Variants in ARHGAP19 observed in about 807,000 individuals in gnomAD.
ARHGAP19 encodes Rho GTPase activating protein 19.
ARHGAP19 carries 48 observed loss-of-function variants against 60.9 expected under a neutral mutation model. That is an observed-to-expected ratio of 0.79 (90% CI 0.62 to 1.00). The LOEUF (loss-of-function observed/expected upper bound fraction) is 1.00, where lower values mean the gene tolerates loss of function less well. Among genes scored for constraint, ARHGAP19 ranks in the 50% least tolerant of loss-of-function variants. ARHGAP19 has a pLI of 0.00. For missense variants in ARHGAP19, 562 were observed against 597.2 expected, an observed-to-expected ratio of 0.94 and a Z score of 0.61; for synonymous variants, 209 against 215.5, an observed-to-expected ratio of 0.97 and a Z score of 0.27.
chr10:97,257,822 T>G (rs1842776481), intron 5 of ARHGAP19, among the ~76,000 whole-genome samples: 1 of 152,116 alleles, frequency 6.6e-6, no homozygotes, highest in African/African-American at 2.4e-5. Context: ...TCCTTTACCT[T>G]CCTTTTCTCA....
At chr10:97,227,592 T>C (rs1053087321) in intron 11 of ARHGAP19, among the ~76,000 whole-genome samples, 1 of 152,182 alleles carries the variant, frequency 6.6e-6, no homozygotes, top group African/African-American at 2.4e-5. Context: ...CAGGAAGGCA[T>C]TTCCAGATAG....
intron 8 of ARHGAP19, among the ~76,000 whole-genome samples, chr10:97,239,837 A>G (rs561474079): frequency 6.6e-6 from 1 of 151,414 alleles, no homozygotes; most frequent in South Asian, 2.1e-4. Context: ...CCTCCCGAGT[A>G]GCTGGGATTA....
intron 8 of ARHGAP19, among the ~76,000 whole-genome samples, chr10:97,236,814 A>G (rs2134822512): frequency 6.6e-6 from 1 of 151,388 alleles, no homozygotes; most frequent in African/African-American, 2.4e-5. Context: ...AAAAAAAAAA[A>G]AAAAAAAAAA....
Position 97,250,564 on chromosome 10 carries a change from G to A in ARHGAP19, c.928-4227C>T, listed in dbSNP as rs1842629718. 2.6e-5 allele frequency among the ~76,000 whole-genome samples: 4 copies of A among 151,466 alleles called. 1 individual carries two copies. In the South Asian group the frequency reaches 8.4e-4, roughly 32 times the overall value. On this transcript the variant is annotated intron_variant, in intron 6 of 11. Transcript: ENST00000358531. ...ACGCCCGGCTAATTTTTGTAGTAGAGATGGGGTTTCACCGTGTTGACTAGG... is the reference window on the plus strand; with the variant it reads ...ACGCCCGGCTAATTTTTGTAGTAGAAATGGGGTTTCACCGTGTTGACTAGG...
chr10:97,290,684 TC>T (rs1242784751), intron 1 of ARHGAP19, among the ~76,000 whole-genome samples: 1 of 152,146 alleles, frequency 6.6e-6, no homozygotes, highest in Non-Finnish European at 1.5e-5. Context: ...GTTTGTCTCT[TC>T]CAGAATTGAA....
Position 97,253,002 on chromosome 10 carries a change from A to T in ARHGAP19, c.927+3316T>A, listed in dbSNP as rs540779921. Among the ~76,000 whole-genome samples the T allele has an allele frequency of 9.2e-5, 14 of 152,276 alleles. No individual in the cohort carries two copies. The South Asian group carries it at 2.9e-3, about 32-fold the overall frequency. ...AAAGAATGAAATCCTGTCAAATTGC[A>T]GCAACATGGATGGAACCGGAGGCTA... On this transcript the variant is annotated intron_variant, in intron 6 of 11. Coordinates refer to ENST00000358531, the MANE Select transcript of ARHGAP19 (RefSeq NM_032900.6).
intron 6 of ARHGAP19, among the ~76,000 whole-genome samples, chr10:97,253,656 C>A (rs1187280980): frequency 6.6e-6 from 1 of 152,132 alleles, no homozygotes; most frequent in Non-Finnish European, 1.5e-5. Context: ...ATGTCCCCAA[C>A]ACATAGAAAT....
In ARHGAP19 at chr10:97,250,768, T is replaced by A. The variant is rs575252736; in HGVS notation, c.928-4431A>T. Among the ~76,000 whole-genome samples, 10 of 150,084 alleles carry A rather than the reference T, an allele frequency of 6.7e-5. No individual in the cohort carries two copies. The South Asian group carries it at 2.2e-3, about 33-fold the overall frequency. On this transcript the variant is annotated intron_variant, in intron 6 of 11. Transcript: ENST00000358531. ...AAGAATATATCTATTCTATTTCATTTAAAAAAAAGAAAGAAGGCCAAGAGC... is the reference window on the plus strand; with the variant it reads ...AAGAATATATCTATTCTATTTCATTAAAAAAAAAGAAAGAAGGCCAAGAGC...
In ARHGAP19 at chr10:97,229,823, T is replaced by A. The variant is rs926177655; in HGVS notation, c.1336A>T (p.Thr446Ser). Residue 446 changes from threonine to serine, a missense_variant, in exon 10 of 12, where the codon ACT becomes TCT. Physicochemically the swap from Thr to Ser is moderately conservative, Grantham distance 58. Coordinates refer to ENST00000358531, the MANE Select transcript of ARHGAP19 (RefSeq NM_032900.6). ...TCACCAATGGCCACAGATTCTGGAG[T>A]AGGGTTCTTCTTTTTCTTTTCTGAC... ...MMSEKKKKNPTPESVAIGELK... is the reference protein window; with the variant it reads ...MMSEKKKKNPSPESVAIGELK... 5.0e-6 allele frequency: 8 copies of A among 1,613,210 alleles called. No homozygotes were observed. Among genetic ancestry groups the A allele is most frequent in the Non-Finnish European group, 6.8e-6 (8 of 1,179,694 alleles).
At chr10:97,289,962 A>T (rs774167736) in intron 1 of ARHGAP19, among the ~76,000 whole-genome samples, 9 of 152,326 alleles carry the variant, frequency 5.9e-5, no homozygotes, top group Non-Finnish European at 1.3e-4. Flanking sequence ...GATTTTCACC[A>T]AAATTTAGAA....
chr10:97,245,595 CAAAAAA>C (rs397845381), intron 7 of ARHGAP19, among the ~76,000 whole-genome samples: 1 of 112,370 alleles, frequency 8.9e-6, no homozygotes. Context: ...AACCCTATCT[CAAAAAA>C]AAAAAAAAAA....
Position 97,244,132 on chromosome 10 carries a change from G to A in ARHGAP19, c.1021C>T (p.His341Tyr). Reference sequence around the variant, plus strand: ...TTTGCCAGCTGAAAGGACTTAGTATGACATGAAGCTATGAGGTCAAGGTCA... The same window carrying A: ...TTTGCCAGCTGAAAGGACTTAGTATAACATGAAGCTATGAGGTCAAGGTCA... ...KDDLDLIASC[H>Y]TKSFQLAKSQ... The change falls in exon 8 of 12, where the codon CAT becomes TAT. Residue 341 changes from histidine (H) to tyrosine (Y), a missense_variant. Coordinates refer to ENST00000358531, the MANE Select transcript of ARHGAP19 (RefSeq NM_032900.6). The A allele has an allele frequency of 1.2e-6, 2 of 1,612,806 alleles. No homozygotes were observed. Among genetic ancestry groups the A allele is most frequent in the Non-Finnish European group, 1.7e-6 (2 of 1,179,594 alleles).
At chr10:97,240,616 A>G (rs1589449181) in intron 8 of ARHGAP19, among the ~76,000 whole-genome samples, 1 of 152,228 alleles carries the variant, frequency 6.6e-6, no homozygotes, top group East Asian at 1.9e-4. Flanking sequence ...ACGCCACTGC[A>G]CTCCAGCCTA....
At chr10:97,268,746 T>C (rs1233469076) in intron 1 of ARHGAP19, among the ~76,000 whole-genome samples, 1 of 152,168 alleles carries the variant, frequency 6.6e-6, no homozygotes, top group Non-Finnish European at 1.5e-5. Context: ...TACCTCCCAC[T>C]GGGCTCCTCC....
rs374327335 is a variant in ARHGAP19 at position 97,224,417 on chromosome 10, C to T, written c.*1705G>A. ...TTTTTACAAATGACATAAAACTGCT[C>T]TAGAGAAAGGGGCTTCTAAGCAGTT... On this transcript the variant is annotated 3_prime_UTR_variant, in exon 12 of 12. Coordinates refer to ENST00000358531, the MANE Select transcript of ARHGAP19 (RefSeq NM_032900.6). 21 of 152,312 alleles carry T rather than the reference C, an allele frequency of 1.4e-4. No individual in the cohort carries two copies. The highest frequency in any genetic ancestry group is 5.1e-4 in the African/African-American group (21 of 41,568). The allele number at this position is 152,312 out of a possible 1,614,324, so 9.4% of individuals were successfully genotyped here. A position where few individuals can be genotyped will look rare whatever the true frequency, so the allele number is the denominator to read the frequency against.
intron 5 of ARHGAP19, among the ~76,000 whole-genome samples, chr10:97,257,240 T>G (rs1404589773): frequency 6.6e-6 from 1 of 152,138 alleles, no homozygotes; most frequent in Non-Finnish European, 1.5e-5. Flanking sequence ...GCCCTCATTT[T>G]CAACATGTAT....
At chr10:97,259,725 A>C in intron 4 of ARHGAP19, 97 bp from the exon 5 acceptor site, 1 of 842,002 alleles carries the variant, frequency 1.2e-6, no homozygotes. Flanking sequence ...CCATCAAAGA[A>C]AGAGGGAAAA....
Position 97,264,817 on chromosome 10 carries a change from T to C in ARHGAP19, c.403+9A>G, listed in dbSNP as rs188057692. ...AAACAAAGAATGATAAAATTTCAAG[T>C]AGTCTTACTTTTGTGTAGATACTCA... On this transcript the variant is annotated intron_variant, in intron 3 of 11. Transcript: ENST00000358531. 6.8e-4 allele frequency: 1,079 copies of C among 1,594,336 alleles called. 7 individuals carry two copies. The African/African-American group carries it at 0.012, about 18-fold the overall frequency.
At chr10:97,227,748 T>C (rs897814540) in intron 11 of ARHGAP19, among the ~76,000 whole-genome samples, 2 of 152,168 alleles carry the variant, frequency 1.3e-5, no homozygotes, top group Admixed American at 6.5e-5. Flanking sequence ...AATACACATA[T>C]GTACCTACAC....
Sources: allele counts gnomAD v4.1 joint callset (sites outside exome capture counted in the v4.1 genomes callset), GRCh38; gene constraint gnomAD v4.1.1; transcripts MANE v1.5; gene names NCBI Gene and HGNC (gene_info 2026-07-23, HGNC 2026-07-21).